Variants in CYYR1 observed in about 807,000 individuals in gnomAD.
The protein encoded by CYYR1 is cysteine and tyrosine-rich protein 1.
Under a neutral mutation model 15.2 loss-of-function variants are expected in CYYR1, and 14 were observed. That is an observed-to-expected ratio of 0.92 (90% CI 0.61 to 1.44). The LOEUF (loss-of-function observed/expected upper bound fraction) is 1.44, where lower values mean the gene tolerates loss of function less well. Among genes scored for constraint, CYYR1 ranks in the 40% most tolerant of loss-of-function variants. The probability of loss-of-function intolerance (pLI) is 0.00; values close to 1 mark genes in which losing one functional copy is unlikely to be tolerated. For missense variants in CYYR1, 228 were observed against 209.5 expected, an observed-to-expected ratio of 1.09 and a Z score of -0.54; for synonymous variants, 80 against 77.4, an observed-to-expected ratio of 1.03 and a Z score of -0.18.
intron 2 of CYYR1, among the ~76,000 whole-genome samples, chr21:26,517,836 G>A (rs1201896499): frequency 6.6e-6 from 1 of 152,148 alleles, no homozygotes; most frequent in Non-Finnish European, 1.5e-5. Context: ...GATTACAGAC[G>A]TGAGTCACCG....
intron 2 of CYYR1, among the ~76,000 whole-genome samples, chr21:26,502,302 C>CTT (rs33974862): frequency 7.2e-5 from 10 of 139,302 alleles, no homozygotes; most frequent in Non-Finnish European, 1.2e-4. Flanking sequence ...TTGAGAACTG[C>CTT]TTTTTTTTTT....
In CYYR1 at chr21:26,573,019, T is replaced by C. The variant is rs766477801; in HGVS notation, c.-79A>G. On this transcript the variant is annotated 5_prime_UTR_variant, in exon 1 of 4. Transcript: ENST00000652641. The stretch of plus-strand genomic sequence containing the variant: ...ATGGGGAGGATGGAGGGCGATCAGA[T>C]GGAGAGAGCAGCGCTCCTGAGAGCC... The C allele has an allele frequency of 2.5e-6, 4 of 1,607,944 alleles. No individual in the cohort carries two copies. The highest frequency in any genetic ancestry group is 1.1e-5 in the South Asian group (1 of 90,528).
intron 3 of CYYR1, among the ~76,000 whole-genome samples, chr21:26,473,408 T>C (rs1009016159): frequency 2.0e-5 from 3 of 152,144 alleles, no homozygotes; most frequent in Admixed American, 6.5e-5. Flanking sequence ...AAAGATATAG[T>C]ATAACCTATT....
chr21:26,557,596 G>A (rs1307973513), intron 2 of CYYR1, among the ~76,000 whole-genome samples: 1 of 152,140 alleles, frequency 6.6e-6, no homozygotes, highest in Non-Finnish European at 1.5e-5. Flanking sequence ...GTAAAGAGGG[G>A]AGAAATCTCA....
chr21:26,473,466 A>G (rs773427241), intron 3 of CYYR1, among the ~76,000 whole-genome samples: 78 of 152,094 alleles, frequency 5.1e-4, no homozygotes, highest in Admixed American at 8.5e-4. Context: ...ATCAAGCCTC[A>G]CATCCCTCTG....
chr21:26,468,444 G>A lies in CYYR1; in HGVS notation c.*57C>T, dbSNP rs2064993672. Reference sequence around the variant, plus strand: ...TCTTTCCTGCCTGTTTCTGAGTAGAGGCATTTTATTCCAGGCAAGATCGCC... The same window carrying A: ...TCTTTCCTGCCTGTTTCTGAGTAGAAGCATTTTATTCCAGGCAAGATCGCC... On this transcript the variant is annotated 3_prime_UTR_variant, in exon 4 of 4. Transcript: ENST00000652641. The A allele has an allele frequency of 1.8e-6, 2 of 1,099,138 alleles. No individual in the cohort carries two copies. The highest frequency in any genetic ancestry group is 1.7e-5 in the Admixed American group (1 of 59,314). 68.1% of individuals were successfully genotyped at this position (1,099,138 alleles called of 1,614,324 possible). A position where few individuals can be genotyped will look rare whatever the true frequency, so the allele number is the denominator to read the frequency against.
Position 26,562,747 on chromosome 21 carries a change from C to CAA in CYYR1, c.176+3518_176+3519insTT, listed in dbSNP as rs1980300548. Reference sequence around the variant, plus strand: ...TCCTAAACACACACACACACACACACACACACACACACAGAGACATACACA... The same window carrying CAA: ...TCCTAAACACACACACACACACACACAAACACACACACACAGAGACATACACA... On this transcript the variant is annotated intron_variant, in intron 2 of 3. Transcript: ENST00000652641. Among the ~76,000 whole-genome samples, 147 of 137,446 alleles carry CAA rather than the reference C, an allele frequency of 1.1e-3. 1 individual carries two copies. Among genetic ancestry groups the CAA allele is most frequent in the Non-Finnish European group, 1.9e-3 (122 of 63,514 alleles). 90.2% of individuals were successfully genotyped at this position (137,446 alleles called of 152,430 possible).
chr21:26,476,585 CATCTATCTATCTATCT>C (rs11450529), intron 3 of CYYR1, among the ~76,000 whole-genome samples: 23 of 143,844 alleles, frequency 1.6e-4, no homozygotes, highest in African/African-American at 3.6e-4. Flanking sequence ...CCCTATCTAT[CATCTATCTATCTATCT>C]ATCTATCTAT....
Position 26,573,050 on chromosome 21 carries a change from G to A in CYYR1, c.-110C>T. The A allele has an allele frequency of 6.3e-7, 1 of 1,587,864 alleles. No individual in the cohort carries two copies. The highest frequency in any genetic ancestry group is 8.6e-7 in the Non-Finnish European group (1 of 1,168,478). On this transcript the variant is annotated 5_prime_UTR_variant, in exon 1 of 4. Coordinates refer to ENST00000652641, the MANE Select transcript of CYYR1 (RefSeq NM_001320768.2). The stretch of plus-strand genomic sequence containing the variant: ...GAGCAGCGCTCCTGAGAGCCGGGTG[G>A]AGCAGAGACCCGGCCATTGCCTAGG...
At position 26,563,616 on chromosome 21, in the gene CYYR1, T is replaced by C. The variant is rs934051090; in HGVS notation, c.176+2650A>G. Among the ~76,000 whole-genome samples the C allele has an allele frequency of 4.2e-5, 5 of 120,098 alleles. No individual in the cohort carries two copies. The Admixed American group carries it at 4.3e-4, about 10-fold the overall frequency. The allele number at this position is 120,098 out of a possible 152,430, so 78.8% of individuals were successfully genotyped here. On this transcript the variant is annotated intron_variant, in intron 2 of 3. Coordinates refer to ENST00000652641, the MANE Select transcript of CYYR1 (RefSeq NM_001320768.2). Reference sequence around the variant, plus strand: ...CAATAAATAAAAAAGGAGAGCAAACTGAAAAAAATAAGACTTTTCAACTAA... The same window carrying C: ...CAATAAATAAAAAAGGAGAGCAAACCGAAAAAAATAAGACTTTTCAACTAA...
In CYYR1 at chr21:26,468,349, C is replaced by G; in HGVS notation, c.*152G>C. 1.4e-6 allele frequency: 1 copy of G among 693,430 alleles called. No homozygotes were observed. Among genetic ancestry groups the G allele is most frequent in the Non-Finnish European group, 2.6e-6 (1 of 380,204 alleles). The allele number at this position is 693,430 out of a possible 1,614,324, so 43.0% of individuals were successfully genotyped here. On this transcript the variant is annotated 3_prime_UTR_variant, in exon 4 of 4. Coordinates refer to ENST00000652641, the MANE Select transcript of CYYR1 (RefSeq NM_001320768.2). Reference sequence around the variant, plus strand: ...GGTCAGCTTTGAGCAGAGTAGAAATCCTATATCTCCTAGCAGGGATATTCC... The same window carrying G: ...GGTCAGCTTTGAGCAGAGTAGAAATGCTATATCTCCTAGCAGGGATATTCC...
At chr21:26,469,953 T>A (rs1362912210) in intron 3 of CYYR1, among the ~76,000 whole-genome samples, 1 of 152,130 alleles carries the variant, frequency 6.6e-6, no homozygotes, top group African/African-American at 2.4e-5. Flanking sequence ...TTTTGCAACA[T>A]CTGAGCAACT....
intron 2 of CYYR1, among the ~76,000 whole-genome samples, chr21:26,557,708 C>A (rs1199869501): frequency 6.6e-6 from 1 of 152,108 alleles, no homozygotes; most frequent in Non-Finnish European, 1.5e-5. Context: ...CCTTTCAACC[C>A]CAGCATCTCC....
intron 2 of CYYR1, among the ~76,000 whole-genome samples, chr21:26,546,443 T>A (rs1978983632): frequency 6.6e-6 from 1 of 152,224 alleles, no homozygotes; most frequent in African/African-American, 2.4e-5. Flanking sequence ...GAATACTGAA[T>A]GAGTTGGTGT....
chr21:26,473,321 C>T (rs1195082398), intron 3 of CYYR1, among the ~76,000 whole-genome samples: 3 of 152,050 alleles, frequency 2.0e-5, no homozygotes, highest in Non-Finnish European at 4.4e-5. Flanking sequence ...CAGCTCCTGG[C>T]AAGACCTCCA....
At chr21:26,482,250 G>T (rs543873492) in intron 2 of CYYR1, 5 of 933,766 alleles carry the variant, frequency 5.4e-6, no homozygotes, top group Non-Finnish European at 6.4e-6. Flanking sequence ...AATTATTATC[G>T]CATTTATTTT....
chr21:26,518,767 C>CAAAT (rs1238544487), intron 2 of CYYR1, among the ~76,000 whole-genome samples: 1 of 152,190 alleles, frequency 6.6e-6, no homozygotes, highest in Non-Finnish European at 1.5e-5. Flanking sequence ...TGACACTTAA[C>CAAAT]AAATGCTTCA....
At chr21:26,471,804 C>A (rs1458521811) in intron 3 of CYYR1, 3 of 152,116 alleles carry the variant, frequency 2.0e-5, no homozygotes, top group South Asian at 2.1e-4. Context: ...GCTGGAGATA[C>A]GTGCCTTTGA....
chr21:26,562,801 C>CACACACAT (rs1980327694), intron 2 of CYYR1, among the ~76,000 whole-genome samples: 1 of 146,426 alleles, frequency 6.8e-6, no homozygotes, highest in Non-Finnish European at 1.5e-5. Flanking sequence ...CATACACAAA[C>CACACACAT]ACACACACAC....
Sources: allele counts gnomAD v4.1 joint callset (sites outside exome capture counted in the v4.1 genomes callset), GRCh38; gene constraint gnomAD v4.1.1; transcripts MANE v1.5; gene names NCBI Gene and HGNC (gene_info 2026-07-23, HGNC 2026-07-21).